NLGN4X: variants seen among roughly 807,000 people sequenced by gnomAD.
NLGN4X encodes the protein neuroligin 4 X-linked.
NLGN4X carries 3 observed loss-of-function variants against 40.3 expected under a neutral mutation model. The ratio of observed to expected loss-of-function variants is 0.07; its 90% confidence interval spans 0.03 to 0.19. NLGN4X has a LOEUF of 0.19. NLGN4X is among the 10% of genes least tolerant of loss of function. The pLI is 1.00. For synonymous variants in NLGN4X, 270 were observed against 306.8 expected (o/e 0.88, Z 1.25); for missense variants, 382 against 708.3 (o/e 0.54, Z 5.23).
chrX:5,944,613 G>A (rs1299658966), intron 3 of NLGN4X, among the ~76,000 whole-genome samples: 1 of 94,608 alleles, frequency 1.1e-5, no homozygotes, highest in African/African-American at 4.2e-5. Context: ...GTGTCACTGT[G>A]CTTCAACCTG....
chrX:5,997,621 T>C (rs868852318), intron 3 of NLGN4X, among the ~76,000 whole-genome samples: 1 of 29,770 alleles, frequency 3.4e-5, no homozygotes, highest in Non-Finnish European at 5.7e-5. Context: ...TACACATATA[T>C]ATATATATAT....
chrX:6,044,055 C>T (rs957345518), intron 2 of NLGN4X, among the ~76,000 whole-genome samples: 1 of 109,855 alleles, frequency 9.1e-6, no homozygotes, highest in East Asian at 2.9e-4. Flanking sequence ...ACTGCTTGAA[C>T]GCTGAAGTTT....
intron 2 of NLGN4X, among the ~76,000 whole-genome samples, chrX:6,122,435 C>T (rs989954378): frequency 2.7e-5 from 3 of 109,968 alleles, no homozygotes; most frequent in Non-Finnish European, 3.8e-5. Context: ...GATGGGGTTT[C>T]ACCATATTGG....
At chrX:5,972,460 T>C (rs900789271) in intron 3 of NLGN4X, among the ~76,000 whole-genome samples, 2 of 111,388 alleles carry the variant, frequency 1.8e-5, no homozygotes, top group African/African-American at 6.5e-5. Flanking sequence ...TAAGTTCTTA[T>C]TGTAATCCTT....
At chrX:6,027,066 T>A (rs2036717002) in intron 3 of NLGN4X, among the ~76,000 whole-genome samples, 1 of 111,896 alleles carries the variant, frequency 8.9e-6, no homozygotes, top group Non-Finnish European at 1.9e-5. Context: ...AAGCAAGAAT[T>A]TTCTTGATGC....
chrX:5,921,148 C>CATATATATATATATATATATATACAT (rs60922455), intron 3 of NLGN4X, among the ~76,000 whole-genome samples: 1 of 91,044 alleles, frequency 1.1e-5, no homozygotes, highest in East Asian at 3.6e-4. Context: ...TATATATATA[C>CATATATATATATATATATATATACAT]ATATATATAT....
intron 2 of NLGN4X, among the ~76,000 whole-genome samples, chrX:6,101,849 G>A (rs9698643): frequency 0.2 from 21,278 of 104,416 alleles, 1,779 homozygotes; most frequent in Admixed American, 0.25. Context: ...TCGCTCTGTC[G>A]CCCAGGCTGG....
intron 2 of NLGN4X, among the ~76,000 whole-genome samples, chrX:6,077,265 T>G (rs1347408109): frequency 1.1e-5 from 1 of 88,128 alleles, no homozygotes; most frequent in Non-Finnish European, 2.4e-5. Context: ...TTCCAAAATT[T>G]TATTTTGTGT....
chrX:6,030,423 T>TGTAC (rs1449455503), intron 2 of NLGN4X, among the ~76,000 whole-genome samples: 1 of 108,161 alleles, frequency 9.2e-6, no homozygotes, highest in Non-Finnish European at 1.9e-5. Flanking sequence ...TGTGTGTGTG[T>TGTAC]ACAATTTAAA....
intron 1 of NLGN4X, among the ~76,000 whole-genome samples, chrX:6,170,480 T>C (rs1417275969): frequency 8.9e-6 from 1 of 112,231 alleles, no homozygotes; most frequent in Non-Finnish European, 1.9e-5. Flanking sequence ...AAATCATGCT[T>C]TTAACTGTCA....
At chrX:6,056,433 G>A (rs1026094986) in intron 2 of NLGN4X, among the ~76,000 whole-genome samples, 2 of 109,093 alleles carry the variant, frequency 1.8e-5, no homozygotes, top group Non-Finnish European at 3.8e-5. Flanking sequence ...CGGGGATCGC[G>A]CCACTGCACT....
intron 2 of NLGN4X, among the ~76,000 whole-genome samples, chrX:6,081,250 T>C (rs1013137019): frequency 2.7e-5 from 3 of 111,801 alleles, no homozygotes; most frequent in Non-Finnish European, 5.6e-5. Context: ...GACATGCCAC[T>C]GCAATCCAGC....
At chrX:6,190,350 C>G (rs1304274272) in intron 1 of NLGN4X, among the ~76,000 whole-genome samples, 1 of 111,861 alleles carries the variant, frequency 8.9e-6, no homozygotes, top group Non-Finnish European at 1.9e-5. Context: ...AAGAGATACT[C>G]AAAAGGCCTT....
At chrX:5,919,562 C>T (rs1410031878) in intron 3 of NLGN4X, among the ~76,000 whole-genome samples, 1 of 111,377 alleles carries the variant, frequency 9.0e-6, no homozygotes, top group South Asian at 3.9e-4. Flanking sequence ...AGGGAAGCTT[C>T]ATCTGTATTT....
Position 6,117,300 on chromosome X carries a change from T to G in NLGN4X, c.472+33695A>C, listed in dbSNP as rs752114665. Among the ~76,000 whole-genome samples, 13 of 110,847 alleles carry G rather than the reference T, an allele frequency of 1.2e-4. No homozygotes were observed. In the East Asian group the frequency reaches 3.7e-3, roughly 32 times the overall value. Reference sequence around the variant, plus strand: ...CTCATGGAGCATCACCTGTGGCTGGTTCAATCTACCTCCTACCTCCTCTGA... The same window carrying G: ...CTCATGGAGCATCACCTGTGGCTGGGTCAATCTACCTCCTACCTCCTCTGA... On this transcript the variant is annotated intron_variant, in intron 2 of 5. Transcript: ENST00000381095.
chrX:5,979,724 ATG>A (rs1385557172), intron 3 of NLGN4X, among the ~76,000 whole-genome samples: 1 of 93,291 alleles, frequency 1.1e-5, no homozygotes, highest in Non-Finnish European at 2.0e-5. Context: ...GAATATATAT[ATG>A]TGTGTATATA....
At chrX:6,115,667 C>T (rs1364814311) in intron 2 of NLGN4X, among the ~76,000 whole-genome samples, 1 of 111,709 alleles carries the variant, frequency 9.0e-6, no homozygotes, top group Non-Finnish European at 1.9e-5. Flanking sequence ...AATAGGACCA[C>T]GTGGAGGCAA....
At chrX:6,070,861 A>G (rs929504286) in intron 2 of NLGN4X, among the ~76,000 whole-genome samples, 5 of 111,466 alleles carry the variant, frequency 4.5e-5, no homozygotes, top group African/African-American at 1.6e-4. Context: ...AAACCATCAG[A>G]TCTCGTGAGA....
At chrX:6,197,583 T>A (rs1254311103) in intron 1 of NLGN4X, among the ~76,000 whole-genome samples, 1 of 110,367 alleles carries the variant, frequency 9.1e-6, no homozygotes, top group Non-Finnish European at 1.9e-5. Flanking sequence ...GAATTGCATT[T>A]TATAATCTAA....
Sources: allele counts gnomAD v4.1 joint callset (sites outside exome capture counted in the v4.1 genomes callset), GRCh38; gene constraint gnomAD v4.1.1; transcripts MANE v1.5; gene names NCBI Gene and HGNC (gene_info 2026-07-23, HGNC 2026-07-21).